TAFA1: variants seen among roughly 807,000 people sequenced by gnomAD.
The protein encoded by TAFA1 is chemokine-like protein TAFA-1.
A neutral mutation model predicts 18.5 loss-of-function variants in TAFA1; 4 were observed. The observed-to-expected ratio is 0.22, with a 90% CI of 0.11 to 0.49. The LOEUF is 0.49. Ranked by LOEUF, TAFA1 falls within the 20% of genes least tolerant of loss-of-function variation. The probability of loss-of-function intolerance (pLI) is 0.98; values close to 1 mark genes in which losing one functional copy is unlikely to be tolerated. For missense variants in TAFA1, 147 were observed against 169.0 expected (o/e 0.87, Z 0.72); for synonymous variants, 56 against 55.2 (o/e 1.01, Z -0.06).
At chr3:68,011,780 A>G (rs539883294) in intron 2 of TAFA1, among the ~76,000 whole-genome samples, 1 of 152,202 alleles carries the variant, frequency 6.6e-6, no homozygotes, top group Non-Finnish European at 1.5e-5. Flanking sequence ...GTGATAATCC[A>G]TCGATCATCT....
chr3:68,059,397 C>A (rs2064574648), intron 2 of TAFA1, among the ~76,000 whole-genome samples: 1 of 152,140 alleles, frequency 6.6e-6, no homozygotes, highest in South Asian at 2.1e-4. Flanking sequence ...GGCTAAGTAA[C>A]CTCCTCAAGG....
chr3:68,222,004 G>A (rs2066737399), intron 2 of TAFA1, among the ~76,000 whole-genome samples: 1 of 152,142 alleles, frequency 6.6e-6, no homozygotes, highest in African/African-American at 2.4e-5. Flanking sequence ...CCCTCAAGAT[G>A]AATAACTGTT....
intron 2 of TAFA1, among the ~76,000 whole-genome samples, chr3:68,117,038 G>A (rs530210673): frequency 3.9e-5 from 6 of 152,336 alleles, no homozygotes; most frequent in Admixed American, 1.3e-4. Context: ...CTCTCTACAT[G>A]TGTTGAATGC....
intron 2 of TAFA1, among the ~76,000 whole-genome samples, chr3:68,141,613 A>G (rs1161910966): frequency 6.6e-6 from 1 of 152,120 alleles, no homozygotes; most frequent in Non-Finnish European, 1.5e-5. Flanking sequence ...CCTATACCAG[A>G]GTTATTGAGA....
At chr3:68,219,894 T>A (rs2066708916) in intron 2 of TAFA1, among the ~76,000 whole-genome samples, 1 of 152,188 alleles carries the variant, frequency 6.6e-6, no homozygotes, top group Non-Finnish European at 1.5e-5. Context: ...ACTGGTTATA[T>A]GTTTGCAGAT....
At chr3:68,167,889 T>TTAAA (rs1210541220) in intron 2 of TAFA1, among the ~76,000 whole-genome samples, 1 of 151,862 alleles carries the variant, frequency 6.6e-6, no homozygotes, top group Non-Finnish European at 1.5e-5. Context: ...CCCCAAAATA[T>TTAAA]TAAATAAATA....
intron 3 of TAFA1, among the ~76,000 whole-genome samples, chr3:68,456,298 G>A (rs933317185): frequency 3.3e-5 from 5 of 152,128 alleles, no homozygotes; most frequent in Non-Finnish European, 7.3e-5. Context: ...AATACAGTTA[G>A]CTTCCTGGCT....
At chr3:68,064,226 G>A (rs754384699) in intron 2 of TAFA1, among the ~76,000 whole-genome samples, 5 of 152,184 alleles carry the variant, frequency 3.3e-5, no homozygotes, top group African/African-American at 9.6e-5. Flanking sequence ...CCAGCTGGGA[G>A]GACATTTTCT....
intron 3 of TAFA1, among the ~76,000 whole-genome samples, chr3:68,506,472 G>GACACACACACACACACACAC (rs55813351): frequency 2.0e-5 from 3 of 150,740 alleles, no homozygotes; most frequent in Admixed American, 6.6e-5. Context: ...CACACACAGA[G>GACACACACACACACACACAC]ACACACACAC....
chr3:68,136,513 A>G (rs2065609777), intron 2 of TAFA1, among the ~76,000 whole-genome samples: 1 of 152,160 alleles, frequency 6.6e-6, no homozygotes, highest in Admixed American at 6.6e-5. Flanking sequence ...TCTGCTGACA[A>G]GTTGCATGCC....
At chr3:67,992,991 A>G in the TAFA1 span, among the ~76,000 whole-genome samples, 3 of 152,248 alleles carry the variant, frequency 2.0e-5, no homozygotes, top group Admixed American at 1.3e-4. Flanking sequence ...CAACCTGATG[A>G]TCAGAGAATG....
chr3:68,362,977 A>T (rs1425329737), intron 2 of TAFA1, among the ~76,000 whole-genome samples: 1 of 62,292 alleles, frequency 1.6e-5, no homozygotes. Context: ...CCTGTCTTGC[A>T]GGCTTTTTTT....
upstream of TAFA1, among the ~76,000 whole-genome samples, chr3:67,999,283 C>G (rs62249378): frequency 4.8e-3 from 17 of 3,544 alleles, no homozygotes; most frequent in African/African-American, 8.2e-3. Flanking sequence ...CCCCCCCCCT[C>G]TCTCTGTGTG....
At chr3:68,359,741 A>G (rs928478888) in intron 2 of TAFA1, among the ~76,000 whole-genome samples, 6 of 151,964 alleles carry the variant, frequency 3.9e-5, no homozygotes, top group Non-Finnish European at 7.4e-5. Context: ...GATTGTGGTA[A>G]GTTGTTAAAA....
chr3:68,357,271 C>A (rs1334425273), intron 2 of TAFA1, among the ~76,000 whole-genome samples: 2 of 151,790 alleles, frequency 1.3e-5, no homozygotes, highest in Admixed American at 6.6e-5. Flanking sequence ...TTGAGTGGAA[C>A]CTTGTCTATC....
intron 2 of TAFA1, among the ~76,000 whole-genome samples, chr3:68,029,399 G>C (rs755826184): frequency 3.3e-5 from 5 of 152,078 alleles, no homozygotes; most frequent in Non-Finnish European, 5.9e-5. Context: ...GAAAATACTT[G>C]ATCTGCTTTT....
intron 2 of TAFA1, among the ~76,000 whole-genome samples, chr3:68,035,155 C>T (rs1705018879): frequency 6.6e-6 from 1 of 152,116 alleles, no homozygotes; most frequent in Admixed American, 6.6e-5. Context: ...AGAAACAAAG[C>T]ACCCCTCTGA....
intron 3 of TAFA1, among the ~76,000 whole-genome samples, chr3:68,533,155 G>A (rs1205161338): frequency 6.6e-6 from 1 of 151,702 alleles, no homozygotes; most frequent in Non-Finnish European, 1.5e-5. Context: ...GTATTAGTCC[G>A]TTTTCACACT....
intron 2 of TAFA1, among the ~76,000 whole-genome samples, chr3:68,413,749 A>AG (rs1204565993): frequency 3.3e-5 from 5 of 151,606 alleles, no homozygotes; most frequent in East Asian, 2.0e-4. Flanking sequence ...TGTTGGGGGC[A>AG]GGGGGGTGAG....
Sources: allele counts gnomAD v4.1 joint callset (sites outside exome capture counted in the v4.1 genomes callset), GRCh38; gene constraint gnomAD v4.1.1; transcripts MANE v1.5; gene names NCBI Gene and HGNC (gene_info 2026-07-23, HGNC 2026-07-21).